The following SGPP1 variants were observed in gnomAD, a reference collection of about 807,000 sequenced individuals.
SGPP1 encodes hSPP1.
In SGPP1, 21 loss-of-function variants were observed where a neutral mutation model predicts 33.0. The observed-to-expected ratio is 0.64, with a 90% confidence interval of 0.45 to 0.92. The LOEUF is 0.92. SGPP1 is among the 40% of genes least tolerant of loss of function. SGPP1 has a pLI of 0.00. For synonymous variants in SGPP1, 239 were observed against 241.2 expected (o/e 0.99, Z 0.08); for missense variants, 543 against 589.4 (o/e 0.92, Z 0.81).
At chr14:63,697,079 T>C (rs1885201764) in intron 2 of SGPP1, among the ~76,000 whole-genome samples, 1 of 152,136 alleles carries the variant, frequency 6.6e-6, no homozygotes, top group Admixed American at 6.5e-5. Flanking sequence ...GGGTACTATG[T>C]TCACCATCTG....
intron 1 of SGPP1, among the ~76,000 whole-genome samples, chr14:63,716,730 G>C (rs915845655): frequency 2.0e-5 from 3 of 150,762 alleles, no homozygotes; most frequent in African/African-American, 7.3e-5. Context: ...GTCTCACGCT[G>C]TCACCCAGGC....
At chr14:63,723,879 C>T (rs980000888) in intron 1 of SGPP1, among the ~76,000 whole-genome samples, 2 of 151,926 alleles carry the variant, frequency 1.3e-5, no homozygotes, top group African/African-American at 4.8e-5. Flanking sequence ...CGAGTTTGTA[C>T]GCTGTCTTTT....
intron 1 of SGPP1, among the ~76,000 whole-genome samples, chr14:63,710,110 T>C (rs1354182435): frequency 6.6e-6 from 1 of 152,208 alleles, no homozygotes; most frequent in Non-Finnish European, 1.5e-5. Flanking sequence ...ATAGTGTACA[T>C]GTAAACGGAT....
intron 1 of SGPP1, among the ~76,000 whole-genome samples, chr14:63,702,305 G>C (rs1292480398): frequency 6.6e-6 from 1 of 152,136 alleles, no homozygotes; most frequent in Non-Finnish European, 1.5e-5. Context: ...AGATTTCACT[G>C]GGATGAGGTG....
chr14:63,717,693 G>A (rs1195463153), intron 1 of SGPP1, among the ~76,000 whole-genome samples: 2 of 152,134 alleles, frequency 1.3e-5, no homozygotes, highest in African/African-American at 4.8e-5. Context: ...AAATAATGCT[G>A]AAGATCTTCC....
intron 2 of SGPP1, among the ~76,000 whole-genome samples, chr14:63,690,557 T>C (rs1284146923): frequency 6.6e-6 from 1 of 152,234 alleles, no homozygotes; most frequent in African/African-American, 2.4e-5. Flanking sequence ...TATGTTTTGT[T>C]CAACCTCAAA....
chr14:63,701,948 T>TAA (rs1251022184), intron 1 of SGPP1, among the ~76,000 whole-genome samples: 6,995 of 107,148 alleles, frequency 0.065, 371 homozygotes, highest in African/African-American at 0.16. Flanking sequence ...CCAAAAGAAG[T>TAA]AAAAAAAAAA....
intron 1 of SGPP1, among the ~76,000 whole-genome samples, chr14:63,722,361 GAAAA>G (rs34786841): frequency 1.0e-5 from 1 of 97,780 alleles, no homozygotes; most frequent in African/African-American, 3.7e-5. Context: ...TGTCTCTATT[GAAAA>G]AAAAAAAAAA....
intron 1 of SGPP1, among the ~76,000 whole-genome samples, chr14:63,701,654 C>T (rs1885301797): frequency 6.6e-6 from 1 of 151,922 alleles, no homozygotes; most frequent in Admixed American, 6.6e-5. Context: ...AATGGGGGGC[C>T]AGATCAAGTA....
chr14:63,708,322 C>T (rs1211753383), intron 1 of SGPP1, among the ~76,000 whole-genome samples: 1 of 137,554 alleles, frequency 7.3e-6, no homozygotes, highest in Non-Finnish European at 1.5e-5. Context: ...AATGCCCCAT[C>T]TCGGTTTACT....
In SGPP1 at chr14:63,686,559, G is replaced by A; in HGVS notation, c.872C>T (p.Ala291Val). Reference protein sequence around the residue: ...IDNFNQTHKYAPFIIIGLHLA... With the variant: ...IDNFNQTHKYVPFIIIGLHLA... ...ATGAAGCCCGATGATGATGAATGGA[G>A]CATATTTGTGAGTTTGGTTGAAGTT... The change falls in exon 3 of 3, where the codon GCT becomes GTT. Residue 291 changes from alanine to valine, a missense_variant. By Grantham distance (64) the Ala-to-Val change is moderately conservative. Transcript: ENST00000247225. 6.2e-7 allele frequency: 1 copy of A among 1,613,986 alleles called. No individual in the cohort carries two copies. The highest frequency in any genetic ancestry group is 1.1e-5 in the South Asian group (1 of 91,070).
chr14:63,727,748 G>A lies in SGPP1; in HGVS notation c.197C>T (p.Pro66Leu), dbSNP rs1163172783. ...RGRQPGAPGG[P>L]QPPGSDRNQC... ...ATTGCGGTCGCTCCCGGGAGGCTGG[G>A]GGCCTCCAGGCGCCCCTGGCTGCCG... Residue 66 changes from proline (P) to leucine (L), a missense_variant, in exon 1 of 3, where the codon CCC (proline) becomes CTC (leucine). Pro to Leu is a moderately conservative substitution (Grantham distance 98). Coordinates refer to ENST00000247225, the MANE Select transcript of SGPP1 (RefSeq NM_030791.4). 2 of 1,480,202 alleles carry A rather than the reference G, an allele frequency of 1.4e-6. No homozygotes were observed. The highest frequency in any genetic ancestry group is 2.9e-5 in the African/African-American group (2 of 68,080). The allele number at this position is 1,480,202 out of a possible 1,614,324, so 91.7% of individuals were successfully genotyped here. A position where few individuals can be genotyped will look rare whatever the true frequency, so the allele number is the denominator to read the frequency against.
intron 1 of SGPP1, among the ~76,000 whole-genome samples, chr14:63,707,061 A>AC: frequency 6.7e-6 from 1 of 148,302 alleles, no homozygotes; most frequent in African/African-American, 2.6e-5. Context: ...AAAAAAAAAA[A>AC]CTGACCCATA....
At position 63,686,651 on chromosome 14, in the gene SGPP1, A is replaced by G. The variant is rs1348722624; in HGVS notation, c.780T>C (p.Ile260=). 1 of 1,595,346 alleles carries G rather than the reference A, an allele frequency of 6.3e-7. No homozygotes were observed. Among genetic ancestry groups the G allele is most frequent in the Non-Finnish European group, 8.6e-7 (1 of 1,166,988 alleles). ...AAATGGTATATAGGAATCCAGCAAT[A>G]ATATCCTAGGAAAAGATAAAAGTAT... ...IYMGMHSILD[I]IAGFLYTILI... is the part of the protein sequence containing the mutation. The change falls in exon 3 of 3, where the codon ATT becomes ATC. Residue 260 remains isoleucine (I), a synonymous_variant. Coordinates refer to ENST00000247225, the MANE Select transcript of SGPP1 (RefSeq NM_030791.4).
In SGPP1 at chr14:63,685,854, A is replaced by G; in HGVS notation, c.*251T>C. The G allele has an allele frequency of 4.7e-6, 1 of 214,694 alleles. No individual in the cohort carries two copies. Among genetic ancestry groups the G allele is most frequent in the Non-Finnish European group, 9.2e-6 (1 of 109,154 alleles). 13.3% of individuals were successfully genotyped at this position (214,694 alleles called of 1,614,324 possible). On this transcript the variant is annotated 3_prime_UTR_variant, in exon 3 of 3. Transcript: ENST00000247225. The stretch of plus-strand genomic sequence containing the variant: ...TATATAAGTTGAATCCATAATACAA[A>G]ACTCTCCAAACATTACATGAACATT...
rs1192446840 is a variant in SGPP1 at position 63,715,108 on chromosome 14, G to T, written c.684+12153C>A. Among the ~76,000 whole-genome samples, 2 of 146,364 alleles carry T rather than the reference G, an allele frequency of 1.4e-5. 1 individual carries two copies. The highest frequency in any genetic ancestry group is 4.3e-4 in the South Asian group (2 of 4,620). The stretch of plus-strand genomic sequence containing the variant: ...TGGCTCACTGCAACCGCTGCCTCCC[G>T]AGTTCAAGTGATTCTCCGCCTCAGC... On this transcript the variant is annotated intron_variant, in intron 1 of 2. Coordinates refer to ENST00000247225, the MANE Select transcript of SGPP1 (RefSeq NM_030791.4).
At chr14:63,717,436 C>T (rs1321430090) in intron 1 of SGPP1, among the ~76,000 whole-genome samples, 1 of 151,984 alleles carries the variant, frequency 6.6e-6, no homozygotes, top group Non-Finnish European at 1.5e-5. Flanking sequence ...ATTCTCCTGC[C>T]TCAACCTCCC....
At chr14:63,694,017 T>C (rs908878633) in intron 2 of SGPP1, among the ~76,000 whole-genome samples, 1 of 152,196 alleles carries the variant, frequency 6.6e-6, no homozygotes, top group Non-Finnish European at 1.5e-5. Context: ...CAGTGGCTCA[T>C]GCCTGTAATC....
At chr14:63,726,720 C>A (rs1885888980) in intron 1 of SGPP1, among the ~76,000 whole-genome samples, 1 of 152,182 alleles carries the variant, frequency 6.6e-6, no homozygotes, top group South Asian at 2.1e-4. Context: ...GCTCCATTAA[C>A]TTCCATAAAG....
Sources: allele counts gnomAD v4.1 joint callset (sites outside exome capture counted in the v4.1 genomes callset), GRCh38; gene constraint gnomAD v4.1.1; transcripts MANE v1.5; gene names NCBI Gene and HGNC (gene_info 2026-07-23, HGNC 2026-07-21).